HGF: variants seen among roughly 807,000 people sequenced by gnomAD.
HGF encodes hepatocyte growth factor, also known as fibroblast-derived tumor cytotoxic factor.
A neutral mutation model predicts 111.6 loss-of-function variants in HGF; 39 were observed. That is an observed-to-expected ratio of 0.35 (90% CI 0.27 to 0.46). The LOEUF (loss-of-function observed/expected upper bound fraction) is 0.46. Among genes scored for constraint, HGF ranks in the 20% least tolerant of loss-of-function variants. HGF has a pLI of 1.00. For synonymous variants in HGF, 285 were observed against 294.8 expected (o/e 0.97, Z 0.34); for missense variants, 735 against 910.5 (o/e 0.81, Z 2.48).
intron 1 of HGF, among the ~76,000 whole-genome samples, chr7:81,765,814 A>T (rs1029928333): frequency 1.3e-5 from 2 of 152,220 alleles, no homozygotes; most frequent in Non-Finnish European, 1.5e-5. Flanking sequence ...GTTTTACTGA[A>T]AACAGTTAAA....
rs1174288620 is a variant in HGF, at chr7:81,743,333, T to C, written c.865+20A>G. 6.5e-6 allele frequency: 9 copies of C among 1,382,086 alleles called. No homozygotes were observed. Among genetic ancestry groups the C allele is most frequent in the Non-Finnish European group, 9.3e-6 (9 of 968,022 alleles). 85.6% of individuals were successfully genotyped at this position (1,382,086 alleles called of 1,614,324 possible). A position where few individuals can be genotyped will look rare whatever the true frequency, so the allele number is the denominator to read the frequency against. ...AGTCTGTGAGAGGAAAAGGAAGCAA[T>C]AAATTTGACCTTCACTTACCGCATG... On this transcript the variant is annotated intron_variant, in intron 7 of 17. Transcript: ENST00000222390.
At position 81,762,762 on chromosome 7, in the gene HGF, C is replaced by A. The variant is rs780386537; in HGVS notation, c.199G>T (p.Ala67Ser). The change falls in exon 2 of 18, where the codon GCA (alanine) becomes TCA (serine). Residue 67 changes from alanine (A) to serine (S), a missense_variant. Physicochemically the swap from Ala to Ser is moderately conservative, Grantham distance 99. Transcript: ENST00000222390. Reference protein sequence around the residue: ...LKIKTKKVNTADQCANRCTRN... With the variant: ...LKIKTKKVNTSDQCANRCTRN... ...GTACATCTATTAGCACATTGGTCTG[C>A]AGTATTCACTTTTTTGGTTTTTATC... 1 of 1,612,456 alleles carries A rather than the reference C, an allele frequency of 6.2e-7. No homozygotes were observed. The highest frequency in any genetic ancestry group is 8.5e-7 in the Non-Finnish European group (1 of 1,178,776).
intron 5 of HGF, 169 bp downstream of exon 5, chr7:81,751,951 A>G: frequency 2.1e-6 from 3 of 1,426,578 alleles, no homozygotes; most frequent in Non-Finnish European, 2.7e-6. Context: ...GTGATAATCC[A>G]ACAGTTTTAA....
chr7:81,739,797 CA>C (rs1787948218), intron 7 of HGF, among the ~76,000 whole-genome samples: 1 of 152,130 alleles, frequency 6.6e-6, no homozygotes, highest in Non-Finnish European at 1.5e-5. Flanking sequence ...GTCTCATGGA[CA>C]CCAGTTTAGA....
intron 7 of HGF, among the ~76,000 whole-genome samples, chr7:81,741,567 A>ATG (rs1233529310): frequency 9.0e-4 from 129 of 144,114 alleles, no homozygotes; most frequent in African/African-American, 8.7e-4. Context: ...GTGAGTGTGT[A>ATG]TGTGTGTGTG....
At position 81,705,653 on chromosome 7, in the gene HGF, T is replaced by G; in HGVS notation, c.1858A>C (p.Thr620Pro). ...CTTTTGAAAACTAGCTTACATCCAGTGTAGCCCCAGCCATAAACACTGCAA... is the reference window on the plus strand; with the variant it reads ...CTTTTGAAAACTAGCTTACATCCAGGGTAGCCCCAGCCATAAACACTGCAA... ...TSCSVYGWGYTGLINYDGLLR... is the reference protein window; with the variant it reads ...TSCSVYGWGYPGLINYDGLLR... The change falls in exon 16 of 18, where the codon ACT becomes CCT. Residue 620 changes from threonine to proline, a missense_variant. Physicochemically the swap from Thr to Pro is conservative, Grantham distance 38 (BLOSUM62 -1). Coordinates refer to ENST00000222390, the MANE Select transcript of HGF (RefSeq NM_000601.6). 1 of 1,608,526 alleles carries G rather than the reference T, an allele frequency of 6.2e-7. No individual in the cohort carries two copies. The highest frequency in any genetic ancestry group is 8.5e-7 in the Non-Finnish European group (1 of 1,175,366).
intron 7 of HGF, among the ~76,000 whole-genome samples, chr7:81,742,246 C>A (rs1788037041): frequency 6.6e-6 from 1 of 152,128 alleles, no homozygotes; most frequent in African/African-American, 2.4e-5. Context: ...TTGTCCAAAA[C>A]ATTTCCTTTT....
intron 11 of HGF, among the ~76,000 whole-genome samples, chr7:81,713,340 C>T (rs1178608176): frequency 3.3e-5 from 5 of 152,046 alleles, no homozygotes; most frequent in African/African-American, 1.2e-4. Flanking sequence ...GTCTGGCCAA[C>T]ACAGTGAAAA....
intron 5 of HGF, chr7:81,751,801 C>T (rs751170173): frequency 2.6e-6 from 3 of 1,152,020 alleles, no homozygotes; most frequent in Non-Finnish European, 3.2e-6. Flanking sequence ...CTTTCAGGTG[C>T]CACACAGTAG....
In HGF at chr7:81,754,726, G is replaced by GT. The variant is rs199817195; in HGVS notation, c.482+2462dup. ...ATTTTATCTTTTACCTAAATTAACT[G>GT]TTTTTTTTTGTTAGTGTCCCAATGT... On this transcript the variant is annotated intron_variant, in intron 4 of 17. Transcript: ENST00000222390. Among the ~76,000 whole-genome samples, 961 of 150,704 alleles carry GT rather than the reference G, an allele frequency of 6.4e-3. 9 individuals are homozygous for GT. The highest frequency in any genetic ancestry group is 0.031 in the South Asian group (148 of 4,760).
At chr7:81,764,030 T>G (rs1335592597) in intron 1 of HGF, among the ~76,000 whole-genome samples, 1 of 152,090 alleles carries the variant, frequency 6.6e-6, no homozygotes, top group Non-Finnish European at 1.5e-5. Context: ...GAAAATTTGG[T>G]TTAGAGCTAG....
intron 5 of HGF, among the ~76,000 whole-genome samples, chr7:81,749,552 A>G (rs1391599025): frequency 6.6e-6 from 1 of 152,106 alleles, no homozygotes; most frequent in Admixed American, 6.5e-5. Flanking sequence ...TAACATATGC[A>G]TTACTTCACA....
intron 17 of HGF, among the ~76,000 whole-genome samples, chr7:81,703,136 G>A (rs1352777285): frequency 6.6e-6 from 1 of 151,336 alleles, no homozygotes; most frequent in Admixed American, 6.6e-5. Context: ...GTTCAATATA[G>A]GAAATTTGGA....
At chr7:81,709,316 C>A (rs1248699838) in intron 13 of HGF, among the ~76,000 whole-genome samples, 4 of 152,064 alleles carry the variant, frequency 2.6e-5, no homozygotes, top group Non-Finnish European at 4.4e-5. Flanking sequence ...AAACAAGAGA[C>A]AATGTGGTTC....
intron 1 of HGF, among the ~76,000 whole-genome samples, chr7:81,765,849 C>T (rs769664536): frequency 6.6e-6 from 1 of 152,264 alleles, no homozygotes; most frequent in Non-Finnish European, 1.5e-5. Flanking sequence ...TGGGAAGAAA[C>T]TCAAAAATAT....
chr7:81,707,209 C>T, intron 14 of HGF, 81 bp downstream of exon 14: 1 of 778,820 alleles, frequency 1.3e-6, no homozygotes. Flanking sequence ...AAAATGAATA[C>T]ATATTATAAC....
At chr7:81,741,975 A>G (rs905917518) in intron 7 of HGF, among the ~76,000 whole-genome samples, 3 of 147,882 alleles carry the variant, frequency 2.0e-5, no homozygotes, top group Admixed American at 6.8e-5. Context: ...TACCTAAACC[A>G]CACATACATA....
In HGF at chr7:81,757,298, T is replaced by C. The variant is rs781690781; in HGVS notation, c.373A>G (p.Ile125Val). ...CCTTTACCAATGATGCAGTTTCTAA[T>C]GTAGTCTATTGAAGAAAGTAGATAA... ...EFDLYENKDY[I>V]RNCIIGKGRS... Residue 125 changes from isoleucine to valine, a missense_variant, in exon 4 of 18, where the codon ATT (isoleucine) becomes GTT (valine). This residue lies in a region of HGF where 553 missense variants were observed against 685.6 expected (regional missense o/e 0.81). Coordinates refer to ENST00000222390, the MANE Select transcript of HGF (RefSeq NM_000601.6). The C allele has an allele frequency of 5.3e-6, 8 of 1,509,956 alleles. No individual in the cohort carries two copies. In the East Asian group the frequency reaches 1.8e-4, roughly 34 times the overall value. The allele number at this position is 1,509,956 out of a possible 1,614,324, so 93.5% of individuals were successfully genotyped here. A position where few individuals can be genotyped will look rare whatever the true frequency, so the allele number is the denominator to read the frequency against.
intron 1 of HGF, among the ~76,000 whole-genome samples, chr7:81,765,601 CT>C (rs1789319723): frequency 6.6e-6 from 1 of 152,120 alleles, no homozygotes; most frequent in African/African-American, 2.4e-5. Context: ...GTCATTTATA[CT>C]AAGCCAGTAA....
Sources: allele counts gnomAD v4.1 joint callset (sites outside exome capture counted in the v4.1 genomes callset), GRCh38; gene constraint gnomAD v4.1.1; regional missense constraint gnomAD v4.1.1; transcripts MANE v1.5; gene names NCBI Gene and HGNC (gene_info 2026-07-23, HGNC 2026-07-21).